C16orf87: variants seen among roughly 807,000 people sequenced by gnomAD.
C16orf87 encodes HDAC and MIER1 interacting protein 1, also known as UPF0547 protein C16orf87.
Under a neutral mutation model 21.0 loss-of-function variants are expected in C16orf87, and 13 were observed. That is an observed-to-expected ratio of 0.62 (90% CI 0.40 to 0.98). The LOEUF (loss-of-function observed/expected upper bound fraction) is 0.98. Among genes scored for constraint, C16orf87 ranks in the 50% least tolerant of loss-of-function variants. The pLI is 0.00. For synonymous variants in C16orf87, 49 were observed against 60.2 expected (o/e 0.81, Z 0.86); for missense variants, 113 against 180.4 (o/e 0.63, Z 2.14).
rs1967701784 is a variant in C16orf87 at position 46,799,079 on chromosome 16, A to G, written c.*3873T>C. On this transcript the variant is annotated 3_prime_UTR_variant, in exon 4 of 4. Coordinates refer to ENST00000285697, the MANE Select transcript of C16orf87 (RefSeq NM_001001436.4). The stretch of plus-strand genomic sequence containing the variant: ...ATAAAAGAACAAAACAGATTCCTTA[A>G]TAATGCAAAAGGCAAATACTTGACT... The G allele has an allele frequency of 6.6e-6, 1 of 152,232 alleles. No homozygotes were observed. Among genetic ancestry groups the G allele is most frequent in the South Asian group, 2.1e-4 (1 of 4,836 alleles). 9.4% of individuals were successfully genotyped at this position (152,232 alleles called of 1,614,324 possible).
In C16orf87 at chr16:46,797,807, C is replaced by G. The variant is rs575266764; in HGVS notation, c.*5145G>C. 6.6e-5 allele frequency: 10 copies of G among 152,112 alleles called. No individual in the cohort carries two copies. Among genetic ancestry groups the G allele is most frequent in the African/African-American group, 2.4e-4 (10 of 41,496 alleles). 9.4% of individuals were successfully genotyped at this position (152,112 alleles called of 1,614,324 possible). Reference sequence around the variant, plus strand: ...TTTATAGTAATCCCTAGAGCAAATACTGCAAAACTATTCAAAGAACTATAA... The same window carrying G: ...TTTATAGTAATCCCTAGAGCAAATAGTGCAAAACTATTCAAAGAACTATAA... On this transcript the variant is annotated 3_prime_UTR_variant, in exon 4 of 4. Transcript: ENST00000285697.
At chr16:46,822,861 TCA>T (rs1312569773) in intron 2 of C16orf87, among the ~76,000 whole-genome samples, 1 of 152,280 alleles carries the variant, frequency 6.6e-6, no homozygotes, top group East Asian at 1.9e-4. Context: ...CAGTTTCTCC[TCA>T]CAGTTTACAA....
intron 2 of C16orf87, among the ~76,000 whole-genome samples, chr16:46,811,810 A>AG (rs1031618998): frequency 1.3e-5 from 2 of 152,192 alleles, no homozygotes; most frequent in African/African-American, 2.4e-5. Context: ...CAGGCTCAGT[A>AG]GCTCATGCTT....
At chr16:46,809,429 C>T (rs1187624851) in intron 3 of C16orf87, among the ~76,000 whole-genome samples, 174 bp downstream of exon 3, 1 of 151,924 alleles carries the variant, frequency 6.6e-6, no homozygotes, top group African/African-American at 2.4e-5. Context: ...GAATTAAATT[C>T]CTGTGATTAA....
At chr16:46,804,868 CT>C (rs1364659359) in intron 3 of C16orf87, among the ~76,000 whole-genome samples, 1 of 152,200 alleles carries the variant, frequency 6.6e-6, no homozygotes, top group Non-Finnish European at 1.5e-5. Flanking sequence ...AGTATGTACT[CT>C]TTTGTGCCTA....
chr16:46,822,503 C>T (rs1483166999), intron 2 of C16orf87, among the ~76,000 whole-genome samples: 1 of 152,166 alleles, frequency 6.6e-6, no homozygotes, highest in Non-Finnish European at 1.5e-5. Context: ...GAATCCTATA[C>T]AGCCAACCCA....
At chr16:46,810,138 G>GA (rs1968040968) in intron 2 of C16orf87, among the ~76,000 whole-genome samples, 1 of 151,972 alleles carries the variant, frequency 6.6e-6, no homozygotes, top group Non-Finnish European at 1.5e-5. Flanking sequence ...ATTAAGAAAG[G>GA]AAAAAAACTG....
rs1021080067 is a variant in C16orf87, at chr16:46,800,807, T to C, written c.*2145A>G. ...TCATAGAGTACAATTTTTTGAAAAA[T>C]TGGTTAAATAGGTTATGTCACAGAG... On this transcript the variant is annotated 3_prime_UTR_variant, in exon 4 of 4. Coordinates refer to ENST00000285697, the MANE Select transcript of C16orf87 (RefSeq NM_001001436.4). 5.3e-5 allele frequency: 8 copies of C among 152,140 alleles called. No homozygotes were observed. Among genetic ancestry groups the C allele is most frequent in the African/African-American group, 1.4e-4 (6 of 41,434 alleles). 9.4% of individuals were successfully genotyped at this position (152,140 alleles called of 1,614,324 possible).
intron 2 of C16orf87, 62 bp downstream of exon 2, chr16:46,824,324 C>T: frequency 1.3e-6 from 1 of 783,744 alleles, no homozygotes; most frequent in Non-Finnish European, 2.1e-6. Context: ...ATAGAAACTT[C>T]ACAAAAATTA....
intron 2 of C16orf87, among the ~76,000 whole-genome samples, chr16:46,819,958 G>A (rs1228212050): frequency 1.3e-5 from 2 of 151,736 alleles, no homozygotes; most frequent in Non-Finnish European, 2.9e-5. Flanking sequence ...ACTCCAGCCT[G>A]GGAAACAAGA....
intron 2 of C16orf87, among the ~76,000 whole-genome samples, chr16:46,820,403 C>T (rs1490415605): frequency 6.6e-6 from 1 of 152,094 alleles, no homozygotes; most frequent in Non-Finnish European, 1.5e-5. Context: ...CTTATTAATA[C>T]TACATGTAGA....
chr16:46,810,342 C>T (rs1436892835), intron 2 of C16orf87, among the ~76,000 whole-genome samples: 2 of 152,058 alleles, frequency 1.3e-5, no homozygotes, highest in East Asian at 1.9e-4. Flanking sequence ...GATATAAGAG[C>T]ATGTTGTTCC....
intron 1 of C16orf87, among the ~76,000 whole-genome samples, chr16:46,828,553 T>C (rs1442433582): frequency 6.6e-6 from 1 of 152,170 alleles, no homozygotes; most frequent in Admixed American, 6.5e-5. Context: ...GAATGATATG[T>C]TCAATAGAAG....
chr16:46,813,402 A>G (rs1469720183), intron 2 of C16orf87, among the ~76,000 whole-genome samples: 1 of 151,110 alleles, frequency 6.6e-6, no homozygotes, highest in Non-Finnish European at 1.5e-5. Context: ...TATACCCATA[A>G]TCTCTTCATT....
chr16:46,828,311 A>C lies in C16orf87; in HGVS notation c.66+2773T>G, dbSNP rs73543799. Among the ~76,000 whole-genome samples the C allele has an allele frequency of 2.8e-3, 433 of 152,286 alleles. 3 individuals are homozygous for C. The highest frequency in any genetic ancestry group is 0.01 in the African/African-American group (424 of 41,554). On this transcript the variant is annotated intron_variant, in intron 1 of 3. Coordinates refer to ENST00000285697, the MANE Select transcript of C16orf87 (RefSeq NM_001001436.4). ...TCTTTACTACTGAAAGAACCAAAGG[A>C]ACTTATACCAGACATATTTTATATA...
intron 3 of C16orf87, chr16:46,808,025 G>A: frequency 2.2e-6 from 1 of 455,978 alleles, no homozygotes. Context: ...TGAAAAGAAT[G>A]TTGTTTTCTG....
chr16:46,820,966 T>G (rs979942096), intron 2 of C16orf87, among the ~76,000 whole-genome samples: 2 of 152,230 alleles, frequency 1.3e-5, no homozygotes, highest in African/African-American at 4.8e-5. Context: ...AGATATATAG[T>G]GTATATTTTC....
Position 46,816,409 on chromosome 16 carries a change from G to T in C16orf87, c.164-6624C>A, listed in dbSNP as rs149716042. 3.5e-4 allele frequency among the ~76,000 whole-genome samples: 54 copies of T among 152,246 alleles called. 1 individual carries two copies. Among genetic ancestry groups the T allele is most frequent in the African/African-American group, 1.3e-3 (53 of 41,538 alleles). On this transcript the variant is annotated intron_variant, in intron 2 of 3. Transcript: ENST00000285697. Reference sequence around the variant, plus strand: ...TTTGTTATATTTTCCCACAATAAAAGTATTTTCAAAATTCTATGAAAAAGA... The same window carrying T: ...TTTGTTATATTTTCCCACAATAAAATTATTTTCAAAATTCTATGAAAAAGA...
At chr16:46,806,920 G>C (rs904208821) in intron 3 of C16orf87, among the ~76,000 whole-genome samples, 5 of 152,128 alleles carry the variant, frequency 3.3e-5, no homozygotes, top group Non-Finnish European at 5.9e-5. Context: ...TAAAGTTAAA[G>C]CTTGCTTCAA....
Sources: allele counts gnomAD v4.1 joint callset (sites outside exome capture counted in the v4.1 genomes callset), GRCh38; gene constraint gnomAD v4.1.1; transcripts MANE v1.5; gene names NCBI Gene and HGNC (gene_info 2026-07-23, HGNC 2026-07-21).